The following CERT1 variants were observed in gnomAD, a reference collection of about 807,000 sequenced individuals.
CERT1 encodes the protein ceramide transporter 1.
Under a neutral mutation model 87.9 loss-of-function variants are expected in CERT1, and 31 were observed. The ratio of observed to expected loss-of-function variants is 0.35; its 90% CI spans 0.27 to 0.48. CERT1 has a LOEUF of 0.48. CERT1 is among the 20% of genes least tolerant of loss of function. The pLI is 0.99. For synonymous variants in CERT1, 289 were observed against 250.9 expected, an observed-to-expected ratio of 1.15 and a Z score of -1.44; for missense variants, 487 against 758.0, an observed-to-expected ratio of 0.64 and a Z score of 4.20.
rs1762382538 is a variant in CERT1 at position 75,399,493 on chromosome 5, A to G, written c.1111-106T>C. ...AGATAAAGGGAAGAGAAAACAAAGCACTATATGAAACAAGCACAGCAGCAA... is the reference window on the plus strand; with the variant it reads ...AGATAAAGGGAAGAGAAAACAAAGCGCTATATGAAACAAGCACAGCAGCAA... On this transcript the variant is annotated intron_variant, in intron 10 of 16. Coordinates refer to ENST00000643780, the MANE Select transcript of CERT1 (RefSeq NM_001379029.1). 1.4e-5 allele frequency: 11 copies of G among 784,338 alleles called. No homozygotes were observed. The South Asian group carries it at 1.5e-4, about 10-fold the overall frequency. The allele number at this position is 784,338 out of a possible 1,614,324, so 48.6% of individuals were successfully genotyped here.
At chr5:75,397,472 C>T (rs888469924) in intron 11 of CERT1, among the ~76,000 whole-genome samples, 1 of 152,216 alleles carries the variant, frequency 6.6e-6, no homozygotes, top group African/African-American at 2.4e-5. Flanking sequence ...AGCAATTCAG[C>T]TGTTCTACAG....
At chr5:75,440,214 G>A (rs1395404825) in intron 3 of CERT1, among the ~76,000 whole-genome samples, 1 of 151,800 alleles carries the variant, frequency 6.6e-6, no homozygotes, top group Non-Finnish European at 1.5e-5. Flanking sequence ...AGGCTCAACT[G>A]ACAATAATTT....
intron 11 of CERT1, among the ~76,000 whole-genome samples, chr5:75,394,949 C>T (rs934664514): frequency 6.6e-6 from 1 of 152,056 alleles, no homozygotes; most frequent in African/African-American, 2.4e-5. Flanking sequence ...TATTAGTAAA[C>T]TATTATTTTA....
At chr5:75,454,662 C>T (rs959271981) in intron 3 of CERT1, among the ~76,000 whole-genome samples, 1 of 152,100 alleles carries the variant, frequency 6.6e-6, no homozygotes, top group African/African-American at 2.4e-5. Context: ...AAGTTGACAA[C>T]GACCAACTAA....
intron 11 of CERT1, among the ~76,000 whole-genome samples, chr5:75,392,333 C>G (rs1017356688): frequency 6.6e-6 from 1 of 152,094 alleles, no homozygotes; most frequent in African/African-American, 2.4e-5. Flanking sequence ...AATGGAAAAC[C>G]GGTTTTCAAA....
chr5:75,434,794 T>C (rs1452986356), intron 3 of CERT1, among the ~76,000 whole-genome samples: 11 of 152,154 alleles, frequency 7.2e-5, no homozygotes, highest in Admixed American at 6.5e-4. Context: ...AGGTTTTTAA[T>C]CTCTGAGGGT....
intron 2 of CERT1, among the ~76,000 whole-genome samples, chr5:75,462,015 T>A (rs1227059834): frequency 6.6e-6 from 1 of 152,214 alleles, no homozygotes; most frequent in Non-Finnish European, 1.5e-5. Context: ...ATTTTGCTCA[T>A]TATACAGTAA....
At chr5:75,436,998 C>T (rs1156891485) in intron 3 of CERT1, among the ~76,000 whole-genome samples, 4 of 152,120 alleles carry the variant, frequency 2.6e-5, no homozygotes, top group African/African-American at 9.7e-5. Context: ...GTTGTCTAGG[C>T]TGGTCTCAAA....
At chr5:75,408,391 T>A (rs1448708284) in intron 8 of CERT1, among the ~76,000 whole-genome samples, 1 of 152,200 alleles carries the variant, frequency 6.6e-6, no homozygotes, top group Non-Finnish European at 1.5e-5. Context: ...GTTGGTCTGG[T>A]GATGATGTTC....
intron 3 of CERT1, among the ~76,000 whole-genome samples, chr5:75,435,229 T>C (rs1764038468): frequency 6.6e-6 from 1 of 152,242 alleles, no homozygotes; most frequent in South Asian, 2.1e-4. Context: ...TTTCTGCTAT[T>C]AATACTTCCA....
chr5:75,375,598 TAAA>T, downstream of CERT1: 1 of 135,888 alleles, frequency 7.4e-6, no homozygotes, highest in Non-Finnish European at 1.5e-5. Context: ...AATAAATAAA[TAAA>T]TAAATAAATA....
intron 3 of CERT1, among the ~76,000 whole-genome samples, chr5:75,428,815 A>G (rs73763098): frequency 0.081 from 12,401 of 152,302 alleles, 607 homozygotes; most frequent in South Asian, 0.17. Context: ...AAGTTGCAAA[A>G]GAACTGATGG....
chr5:75,414,999 C>T lies in CERT1; in HGVS notation c.837+1877G>A, dbSNP rs142874617. ...CGTATTTGTTGATAAACAACTTTCT[C>T]TATTTAAGAACTTTCTAGTCTTTAG... On this transcript the variant is annotated intron_variant, in intron 7 of 16. Coordinates refer to ENST00000643780, the MANE Select transcript of CERT1 (RefSeq NM_001379029.1). Among the ~76,000 whole-genome samples the T allele has an allele frequency of 1.1e-3, 164 of 152,150 alleles. 1 individual carries two copies. The East Asian group carries it at 0.027, about 25-fold the overall frequency.
At chr5:75,473,484 AACGCATT>A (rs1765808506) in intron 2 of CERT1, among the ~76,000 whole-genome samples, 1 of 116,842 alleles carries the variant, frequency 8.6e-6, no homozygotes, top group African/African-American at 3.0e-5. Flanking sequence ...ACAGACAAAT[AACGCATT>A]ATTTCCCTCA....
chr5:75,382,791 T>C (rs1337285812), intron 14 of CERT1, among the ~76,000 whole-genome samples: 1 of 151,864 alleles, frequency 6.6e-6, no homozygotes, highest in Admixed American at 6.6e-5. Flanking sequence ...TACAAATCAT[T>C]TGCAAGATGA....
chr5:75,498,484 G>A (rs190724612), intron 2 of CERT1, among the ~76,000 whole-genome samples: 148 of 152,344 alleles, frequency 9.7e-4, no homozygotes, highest in Middle Eastern at 3.4e-3. Flanking sequence ...GGCGCCCTGT[G>A]TCTCAGCTGC....
chr5:75,396,474 C>T (rs1180093163), intron 11 of CERT1, among the ~76,000 whole-genome samples: 1 of 151,976 alleles, frequency 6.6e-6, no homozygotes, highest in Non-Finnish European at 1.5e-5. Context: ...TGCCTGTAAT[C>T]CCAGCACTTT....
At chr5:75,495,610 G>C (rs1767023737) in intron 2 of CERT1, among the ~76,000 whole-genome samples, 1 of 151,790 alleles carries the variant, frequency 6.6e-6, no homozygotes, top group Non-Finnish European at 1.5e-5. Context: ...TCACTCAAAG[G>C]AAGCTCAACA....
chr5:75,401,022 G>T (rs940690834), intron 9 of CERT1: 7 of 152,200 alleles, frequency 4.6e-5, no homozygotes, highest in African/African-American at 1.7e-4. Flanking sequence ...GTTGTTGAGA[G>T]ATCTGTGCAA....
Sources: gnomAD v4.1 joint callset for allele counts (sites outside exome capture counted in the v4.1 genomes callset) on GRCh38, gnomAD v4.1.1 for gene constraint, MANE v1.5 for transcripts, NCBI Gene and HGNC (gene_info 2026-07-23, HGNC 2026-07-21) for gene names.